TRMT9B: variants seen among roughly 807,000 people sequenced by gnomAD.
TRMT9B encodes tRNA methyltransferase 9B (putative).
In TRMT9B, 16 loss-of-function variants were observed where a neutral mutation model predicts 11.5. The ratio of observed to expected loss-of-function variants is 1.39; its 90% CI spans 0.94 to 2.11. The LOEUF (loss-of-function observed/expected upper bound fraction) is 2.11. Ranked by LOEUF, TRMT9B falls within the 30% of genes most tolerant of loss-of-function variation. The probability of loss-of-function intolerance (pLI) is 0.00; values close to 1 mark genes in which losing one functional copy is unlikely to be tolerated. For synonymous variants in TRMT9B, 274 were observed against 192.4 expected (o/e 1.42, Z -3.51); for missense variants, 941 against 553.8 (o/e 1.70, Z -7.02).
chr8:12,949,719 A>G (rs1178192187), intron 1 of TRMT9B, among the ~76,000 whole-genome samples: 1 of 152,204 alleles, frequency 6.6e-6, no homozygotes, highest in Non-Finnish European at 1.5e-5. Context: ...TGTTTATTAT[A>G]TAAGGGGGTT....
At chr8:12,983,970 G>C (rs567730398) in intron 1 of TRMT9B, among the ~76,000 whole-genome samples, 3 of 152,082 alleles carry the variant, frequency 2.0e-5, no homozygotes, top group Non-Finnish European at 2.9e-5. Flanking sequence ...ATTTAAGTGT[G>C]AATAAGTATA....
At chr8:12,979,350 A>G (rs991191515) in intron 1 of TRMT9B, among the ~76,000 whole-genome samples, 4 of 152,206 alleles carry the variant, frequency 2.6e-5, no homozygotes, top group African/African-American at 7.2e-5. Context: ...CAGCTGCCTT[A>G]GCACTACAGC....
intron 3 of TRMT9B, chr8:13,011,693 C>T: frequency 1.0e-6 from 1 of 978,772 alleles, no homozygotes; most frequent in African/African-American, 1.8e-5. Flanking sequence ...CTTTGTAAAT[C>T]CTGAATTACT....
intron 4 of TRMT9B, among the ~76,000 whole-genome samples, chr8:13,019,854 C>G (rs1813480131): frequency 6.6e-6 from 1 of 152,208 alleles, no homozygotes; most frequent in South Asian, 2.1e-4. Flanking sequence ...ATGAAATACA[C>G]TGGTGTGTTG....
intron 1 of TRMT9B, among the ~76,000 whole-genome samples, chr8:12,985,269 T>C (rs1327145163): frequency 1.3e-5 from 2 of 152,190 alleles, no homozygotes; most frequent in African/African-American, 4.8e-5. Context: ...ACATATTTTG[T>C]TGTTTTGAAG....
At chr8:13,005,640 G>A (rs139008487) in intron 2 of TRMT9B, among the ~76,000 whole-genome samples, 4 of 152,222 alleles carry the variant, frequency 2.6e-5, no homozygotes, top group South Asian at 4.2e-4. Flanking sequence ...TAATTATGAC[G>A]TAATTGAAAT....
At chr8:13,000,014 A>G (rs1230035393) in intron 2 of TRMT9B, among the ~76,000 whole-genome samples, 1 of 152,178 alleles carries the variant, frequency 6.6e-6, no homozygotes, top group Non-Finnish European at 1.5e-5. Flanking sequence ...TTCATGATCT[A>G]GATATTCTAC....
At chr8:13,019,795 G>C (rs909406170) in intron 4 of TRMT9B, among the ~76,000 whole-genome samples, 3 of 152,202 alleles carry the variant, frequency 2.0e-5, no homozygotes, top group Non-Finnish European at 4.4e-5. Context: ...CAGGAGGGTA[G>C]AGTGATTGTT....
At chr8:13,010,922 A>C in intron 3 of TRMT9B, 2 of 924,116 alleles carry the variant, frequency 2.2e-6, no homozygotes, top group Non-Finnish European at 2.6e-6. Context: ...ACGAGATCAA[A>C]GAAATAATAT....
At chr8:12,987,917 G>T (rs147811600) in intron 1 of TRMT9B, among the ~76,000 whole-genome samples, 6 of 152,026 alleles carry the variant, frequency 3.9e-5, no homozygotes, top group African/African-American at 1.5e-4. Context: ...GGATCCCACC[G>T]CATGTCATTA....
intron 2 of TRMT9B, among the ~76,000 whole-genome samples, chr8:13,005,323 A>T (rs112241698): frequency 0.012 from 1,772 of 152,208 alleles, 39 homozygotes; most frequent in African/African-American, 0.041. Context: ...GGAAGTGGAG[A>T]TTGTTAATGG....
chr8:13,013,579 C>G (rs914202190), intron 4 of TRMT9B, among the ~76,000 whole-genome samples: 2 of 151,598 alleles, frequency 1.3e-5, no homozygotes, highest in African/African-American at 4.8e-5. Context: ...AATCCTATGA[C>G]AAGGTTTTTT....
intron 1 of TRMT9B, among the ~76,000 whole-genome samples, chr8:12,976,892 G>A (rs1284974868): frequency 6.6e-6 from 1 of 152,092 alleles, no homozygotes; most frequent in African/African-American, 2.4e-5. Flanking sequence ...GTTCAACCCA[G>A]ACCTATCTGG....
chr8:13,002,972 C>G (rs984725901), intron 2 of TRMT9B, among the ~76,000 whole-genome samples: 13 of 152,082 alleles, frequency 8.5e-5, no homozygotes, highest in Admixed American at 2.6e-4. Context: ...CCTCTGCTAA[C>G]CAAAGCCAAT....
chr8:12,965,392 A>C (rs1563323338), intron 1 of TRMT9B, among the ~76,000 whole-genome samples: 1 of 152,202 alleles, frequency 6.6e-6, no homozygotes, highest in Non-Finnish European at 1.5e-5. Context: ...GCTAAAAAGC[A>C]GAAGGCTGGC....
chr8:13,009,856 C>A (rs1295344624), intron 3 of TRMT9B, among the ~76,000 whole-genome samples: 2 of 152,108 alleles, frequency 1.3e-5, no homozygotes, highest in African/African-American at 4.8e-5. Context: ...AGGCCAGGCG[C>A]GGTATCTCAC....
At chr8:12,974,260 C>CT (rs1447833658) in intron 1 of TRMT9B, among the ~76,000 whole-genome samples, 67 of 152,114 alleles carry the variant, frequency 4.4e-4, no homozygotes, top group Non-Finnish European at 8.4e-4. Flanking sequence ...CCATTAACTA[C>CT]TGAGTTGGGA....
chr8:12,984,886 C>G (rs1480442831), intron 1 of TRMT9B, among the ~76,000 whole-genome samples: 1 of 151,160 alleles, frequency 6.6e-6, no homozygotes, highest in Non-Finnish European at 1.5e-5. Flanking sequence ...ATCTCATGAC[C>G]AATATTAAGC....
At chr8:13,012,891 C>T (rs1328425260) in intron 4 of TRMT9B, 34 bp downstream of exon 4, 3 of 1,606,560 alleles carry the variant, frequency 1.9e-6, no homozygotes, top group Non-Finnish European at 2.6e-6. Flanking sequence ...CACCCTTTGC[C>T]ATGAGAATAA....
Sources: allele counts gnomAD v4.1 joint callset (sites outside exome capture counted in the v4.1 genomes callset), GRCh38; gene constraint gnomAD v4.1.1; transcripts MANE v1.5; gene names NCBI Gene and HGNC (gene_info 2026-07-23, HGNC 2026-07-21).